Variants in FOXN2 observed in about 807,000 individuals in gnomAD.
FOXN2 encodes forkhead box protein N2.
Under a neutral mutation model 41.2 loss-of-function variants are expected in FOXN2, and 19 were observed. The observed-to-expected ratio is 0.46, with a 90% CI of 0.32 to 0.68. The LOEUF (loss-of-function observed/expected upper bound fraction) is 0.68. FOXN2 is among the 30% of genes least tolerant of loss of function. The probability of loss-of-function intolerance (pLI) is 0.03; values close to 1 mark genes in which losing one functional copy is unlikely to be tolerated. For missense variants in FOXN2, 587 were observed against 509.4 expected (o/e 1.15, Z -1.47); for synonymous variants, 195 against 176.8 (o/e 1.10, Z -0.82).
rs900562628 is a variant in FOXN2, at chr2:48,377,329, A to C, written c.*1886A>C. On this transcript the variant is annotated 3_prime_UTR_variant, in exon 7 of 7. Coordinates refer to ENST00000340553, the MANE Select transcript of FOXN2 (RefSeq NM_002158.4). ...CCCAAAAATGCTTTAACCACAGTAT[A>C]AATAATAGATTATACACATCATCTT... is the stretch of plus-strand genomic sequence containing the variant. The C allele has an allele frequency of 6.6e-6, 1 of 152,032 alleles. No individual in the cohort carries two copies. Among genetic ancestry groups the C allele is most frequent in the Non-Finnish European group, 1.5e-5 (1 of 67,912 alleles). 9.4% of individuals were successfully genotyped at this position (152,032 alleles called of 1,614,324 possible).
chr2:48,318,615 AC>A (rs1669088547), intron 1 of FOXN2, among the ~76,000 whole-genome samples: 1 of 152,234 alleles, frequency 6.6e-6, no homozygotes, highest in African/African-American at 2.4e-5. Flanking sequence ...ATACTCAAAA[AC>A]CTTAACCTAA....
chr2:48,332,241 T>C lies in FOXN2; in HGVS notation c.-15+3539T>C, dbSNP rs772968090. Among the ~76,000 whole-genome samples, 66 of 152,324 alleles carry C rather than the reference T, an allele frequency of 4.3e-4. 1 individual carries two copies. Among genetic ancestry groups the C allele is most frequent in the Admixed American group, 3.5e-3 (53 of 15,298 alleles). On this transcript the variant is annotated intron_variant, in intron 2 of 6. Coordinates refer to ENST00000340553, the MANE Select transcript of FOXN2 (RefSeq NM_002158.4). ...AGGTAGTATAGTTATTTTTATTGTT[T>C]ATAAATTCTTTTTTTGTGTGTGAGA...
intron 3 of FOXN2, among the ~76,000 whole-genome samples, chr2:48,347,233 T>TGG (rs1291868025): frequency 5.6e-5 from 8 of 142,816 alleles, no homozygotes; most frequent in African/African-American, 2.1e-4. Flanking sequence ...TTTTTTTTTT[T>TGG]TTTTTTTTTT....
intron 5 of FOXN2, among the ~76,000 whole-genome samples, chr2:48,369,047 C>G (rs912625949): frequency 6.6e-6 from 1 of 152,148 alleles, no homozygotes; most frequent in Non-Finnish European, 1.5e-5. Context: ...AGTTATCTAC[C>G]ATAAATAAAT....
At chr2:48,319,104 CT>C (rs1489575536) in intron 1 of FOXN2, among the ~76,000 whole-genome samples, 1 of 151,282 alleles carries the variant, frequency 6.6e-6, no homozygotes, top group African/African-American at 2.4e-5. Flanking sequence ...AAATTCTTGC[CT>C]TCTTGCTAGT....
At chr2:48,322,672 C>A (rs1455426974) in intron 1 of FOXN2, among the ~76,000 whole-genome samples, 2 of 150,304 alleles carry the variant, frequency 1.3e-5, no homozygotes, top group African/African-American at 2.4e-5. Context: ...TAAATTCTTT[C>A]TTGAGCTCTA....
At chr2:48,367,538 C>G (rs1672611251) in intron 5 of FOXN2, among the ~76,000 whole-genome samples, 1 of 152,190 alleles carries the variant, frequency 6.6e-6, no homozygotes, top group African/African-American at 2.4e-5. Context: ...CAGAGAATTA[C>G]AAGAGACAGC....
chr2:48,377,337 G>C lies in FOXN2; in HGVS notation c.*1894G>C, dbSNP rs1167669001. 6.6e-6 allele frequency: 1 copy of C among 151,752 alleles called. No homozygotes were observed. The highest frequency in any genetic ancestry group is 1.5e-5 in the Non-Finnish European group (1 of 67,848). 9.4% of individuals were successfully genotyped at this position (151,752 alleles called of 1,614,324 possible). ...TGCTTTAACCACAGTATAAATAATA[G>C]ATTATACACATCATCTTAATAACTA... is the stretch of plus-strand genomic sequence containing the variant. On this transcript the variant is annotated 3_prime_UTR_variant, in exon 7 of 7. Transcript: ENST00000340553.
chr2:48,363,385 AG>A (rs57862540), intron 5 of FOXN2, among the ~76,000 whole-genome samples: 11,749 of 152,236 alleles, frequency 0.077, 548 homozygotes, highest in South Asian at 0.16. Context: ...AAAATTAAAA[AG>A]TTTATAAAGT....
chr2:48,334,606 G>A (rs1056862440), intron 2 of FOXN2, among the ~76,000 whole-genome samples: 9 of 152,154 alleles, frequency 5.9e-5, no homozygotes, highest in Non-Finnish European at 1.0e-4. Flanking sequence ...GTGCTCTGGC[G>A]CAAAGGGGAG....
intron 5 of FOXN2, 107 bp from the exon 6 acceptor site, chr2:48,373,185 A>C: frequency 1.4e-6 from 1 of 739,058 alleles, no homozygotes; most frequent in Non-Finnish European, 2.3e-6. Context: ...GCTTTCTTAG[A>C]ATATACACCA....
chr2:48,357,549 G>T (rs908753973), intron 3 of FOXN2, among the ~76,000 whole-genome samples: 3 of 151,082 alleles, frequency 2.0e-5, no homozygotes, highest in African/African-American at 4.9e-5. Context: ...ACCCAGGCTG[G>T]CCTCAGCCTC....
intron 2 of FOXN2, among the ~76,000 whole-genome samples, chr2:48,344,122 G>A (rs1670944118): frequency 6.6e-6 from 1 of 152,078 alleles, no homozygotes. Context: ...AAGTCTCTAT[G>A]AATAGAGAGA....
chr2:48,357,909 G>A (rs1558633471), intron 3 of FOXN2, among the ~76,000 whole-genome samples: 1 of 145,994 alleles, frequency 6.8e-6, no homozygotes, highest in Non-Finnish European at 1.5e-5. Flanking sequence ...TTTTAGTATA[G>A]TTAATGTGAT....
chr2:48,331,644 G>A (rs1022863737), intron 2 of FOXN2, among the ~76,000 whole-genome samples: 1 of 151,888 alleles, frequency 6.6e-6, no homozygotes, highest in Non-Finnish European at 1.5e-5. Context: ...ATAAGGAGAC[G>A]CTGCCTCTAC....
intron 3 of FOXN2, among the ~76,000 whole-genome samples, chr2:48,355,586 G>C (rs1218143121): frequency 6.6e-6 from 1 of 151,714 alleles, no homozygotes; most frequent in Non-Finnish European, 1.5e-5. Context: ...AATGTTTCTT[G>C]GGTCAGTGAC....
chr2:48,359,412 G>C (rs1402782374), intron 4 of FOXN2, among the ~76,000 whole-genome samples: 1 of 151,980 alleles, frequency 6.6e-6, no homozygotes, highest in African/African-American at 2.4e-5. Flanking sequence ...TCCCACCTCG[G>C]CCTCCCTAGT....
chr2:48,319,821 G>T (rs1417573490), intron 1 of FOXN2, among the ~76,000 whole-genome samples: 3 of 143,124 alleles, frequency 2.1e-5, no homozygotes, highest in African/African-American at 7.8e-5. Context: ...TGGTAGAGGG[G>T]AGATCTGACT....
intron 2 of FOXN2, among the ~76,000 whole-genome samples, chr2:48,334,951 A>G (rs1312593764): frequency 6.6e-6 from 1 of 152,216 alleles, no homozygotes; most frequent in Non-Finnish European, 1.5e-5. Flanking sequence ...TTTGCAGCAT[A>G]AATTCACACT....
Sources: allele counts gnomAD v4.1 joint callset (sites outside exome capture counted in the v4.1 genomes callset), GRCh38; gene constraint gnomAD v4.1.1; transcripts MANE v1.5; gene names NCBI Gene and HGNC (gene_info 2026-07-23, HGNC 2026-07-21).